The following SCAF8 variants were observed in gnomAD, a reference collection of about 807,000 sequenced individuals.
SCAF8 encodes SR-related CTD associated factor 8, also known as SR-related and CTD-associated factor 8.
SCAF8 carries 23 observed loss-of-function variants against 140.5 expected under a neutral mutation model. That is an observed-to-expected ratio of 0.16 (90% CI 0.12 to 0.23). The LOEUF (loss-of-function observed/expected upper bound fraction) is 0.23. Among genes scored for constraint, SCAF8 ranks in the 10% least tolerant of loss-of-function variants. The probability of loss-of-function intolerance (pLI) is 1.00; values close to 1 mark genes in which losing one functional copy is unlikely to be tolerated. For synonymous variants in SCAF8, 575 were observed against 528.9 expected, an observed-to-expected ratio of 1.09 and a Z score of -1.20; for missense variants, 1,397 against 1,555.7, an observed-to-expected ratio of 0.90 and a Z score of 1.72.
At chr6:154,748,895 G>A (rs1007781085) in intron 1 of SCAF8, among the ~76,000 whole-genome samples, 1 of 152,210 alleles carries the variant, frequency 6.6e-6, no homozygotes, top group Non-Finnish European at 1.5e-5. Flanking sequence ...TCTTAGAGCT[G>A]TAACAGTTTA....
intron 6 of SCAF8, among the ~76,000 whole-genome samples, chr6:154,801,753 TTTAAAGTTCG>T (rs375746481): frequency 2.6e-4 from 39 of 151,610 alleles, no homozygotes; most frequent in African/African-American, 9.1e-4. Flanking sequence ...CTTTATTTTG[TTTAAAGTTCG>T]CTGACTTTCC....
intron 18 of SCAF8, among the ~76,000 whole-genome samples, chr6:154,829,570 T>C (rs780808368): frequency 5.3e-5 from 8 of 152,216 alleles, no homozygotes; most frequent in Non-Finnish European, 1.0e-4. Context: ...TAATTCATTT[T>C]CCTTGTATTC....
intron 1 of SCAF8, among the ~76,000 whole-genome samples, chr6:154,740,952 A>G (rs748041003): frequency 1.3e-5 from 2 of 152,134 alleles, no homozygotes; most frequent in African/African-American, 4.8e-5. Context: ...AATGGATGCA[A>G]TCCTAGGTAG....
intron 14 of SCAF8, among the ~76,000 whole-genome samples, chr6:154,819,916 C>T (rs1383474798): frequency 1.3e-5 from 2 of 150,628 alleles, no homozygotes; most frequent in Admixed American, 6.6e-5. Context: ...GGCTTGAGCC[C>T]GGAAGGTCAA....
chr6:154,831,902 G>A, intron 19 of SCAF8, 37 bp from the exon 20 acceptor site: 1 of 1,537,166 alleles, frequency 6.5e-7, no homozygotes, highest in Non-Finnish European at 8.7e-7. Context: ...ACTTTTGACT[G>A]TTATTTTGAG....
intron 1 of SCAF8, among the ~76,000 whole-genome samples, chr6:154,745,509 G>A (rs1778676240): frequency 1.3e-5 from 2 of 152,156 alleles, no homozygotes; most frequent in African/African-American, 4.8e-5. Context: ...GAGTAGCTGG[G>A]ACTACAGGTG....
rs773988265 is a variant in SCAF8, at chr6:154,832,903, G to A, written c.3324G>A (p.Pro1108=). Residue 1108 remains proline, a synonymous_variant, in exon 20 of 20, where the codon CCG becomes CCA. Transcript: ENST00000367178. ...ATGAGAGAGAGCATCGGGTTCTACC[G>A]GTCTATGGTGGTCCAAAAGGCTTAC... ...DFDEREHRVL[P]VYGGPKGLHE... is the part of the protein sequence containing the mutation. The A allele has an allele frequency of 1.7e-5, 27 of 1,613,904 alleles. No individual in the cohort carries two copies. The highest frequency in any genetic ancestry group is 9.3e-5 in the African/African-American group (7 of 74,886).
chr6:154,767,142 C>CA (rs1039328491), intron 1 of SCAF8, among the ~76,000 whole-genome samples: 8 of 151,602 alleles, frequency 5.3e-5, no homozygotes, highest in East Asian at 1.9e-4. Flanking sequence ...GGAACCAGTC[C>CA]AAAAAAAAGC....
chr6:154,745,943 T>C (rs1778688938), intron 1 of SCAF8, among the ~76,000 whole-genome samples: 2 of 152,188 alleles, frequency 1.3e-5, no homozygotes, highest in South Asian at 4.1e-4. Flanking sequence ...TAGAGTGCAG[T>C]GGCTTGATCT....
Position 154,787,538 on chromosome 6 carries a change from GCTT to G in SCAF8, c.160-319_160-317del, listed in dbSNP as rs147755864. 6.5e-3 allele frequency among the ~76,000 whole-genome samples: 996 copies of G among 152,238 alleles called. 9 individuals carry two copies. Among genetic ancestry groups the G allele is most frequent in the Non-Finnish European group, 9.6e-3 (654 of 67,994 alleles). Reference sequence around the variant, plus strand: ...GCTAGAGCCCTTCTTTCCTGAATTTGCTTCTTTCTTCCATGTAGCTTTTCACAG... The same window carrying G: ...GCTAGAGCCCTTCTTTCCTGAATTTGCTTTCTTCCATGTAGCTTTTCACAG... On this transcript the variant is annotated intron_variant, in intron 3 of 19. Transcript: ENST00000367178.
At chr6:154,733,404 C>T (rs1778309298), upstream of SCAF8, 1 of 1,388,974 alleles carries the variant, frequency 7.2e-7, no homozygotes, top group Non-Finnish European at 9.3e-7. Flanking sequence ...CGCGGCCCGA[C>T]TCGAGTCCGC....
intron 9 of SCAF8, among the ~76,000 whole-genome samples, chr6:154,806,686 G>A (rs776581301): frequency 1.3e-5 from 2 of 152,140 alleles, no homozygotes; most frequent in Non-Finnish European, 2.9e-5. Flanking sequence ...AATGCAAACA[G>A]TAATATAAAA....
intron 5 of SCAF8, among the ~76,000 whole-genome samples, chr6:154,794,760 G>T (rs1378053759): frequency 9.4e-5 from 4 of 42,434 alleles, no homozygotes; most frequent in Non-Finnish European, 1.7e-4. Flanking sequence ...TCCTTTTGGT[G>T]GGGGGGGGGG....
At chr6:154,733,991 C>T in intron 1 of SCAF8, 61 bp downstream of exon 1, 1 of 1,460,112 alleles carries the variant, frequency 6.8e-7, no homozygotes, top group Non-Finnish European at 9.0e-7. Context: ...CTGGTCGAGG[C>T]CGGGGCCCGG....
rs193085801 is a variant in SCAF8, at chr6:154,785,948, G to A, written c.160-1913G>A. Among the ~76,000 whole-genome samples, 757 of 152,250 alleles carry A rather than the reference G, an allele frequency of 5.0e-3. 10 individuals carry two copies. Among genetic ancestry groups the A allele is most frequent in the African/African-American group, 0.017 (705 of 41,542 alleles). On this transcript the variant is annotated intron_variant, in intron 3 of 19. Coordinates refer to ENST00000367178, the MANE Select transcript of SCAF8 (RefSeq NM_014892.5). Reference sequence around the variant, plus strand: ...TATCTATAAAAACTTAATGTGATACGCTTTAGGAAATTATTTAGAGTAAAA... The same window carrying A: ...TATCTATAAAAACTTAATGTGATACACTTTAGGAAATTATTTAGAGTAAAA...
intron 9 of SCAF8, among the ~76,000 whole-genome samples, chr6:154,806,834 CT>C (rs1396469503): frequency 6.6e-6 from 1 of 152,052 alleles, no homozygotes; most frequent in Non-Finnish European, 1.5e-5. Flanking sequence ...GCAAATGTAT[CT>C]GCCTGAGAAC....
At position 154,788,026 on chromosome 6, in the gene SCAF8, T is replaced by C. The variant is rs748062234; in HGVS notation, c.321+4T>C. On this transcript the variant is annotated splice_donor_region_variant and intron_variant, in intron 4 of 19. Transcript: ENST00000367178. The stretch of plus-strand genomic sequence containing the variant: ...TCGTTGCCCTGGGGATGACAAGGTA[T>C]GCTACTGGTTTTTTTTTTTTGTTTT... The C allele has an allele frequency of 5.1e-6, 8 of 1,582,060 alleles. No individual in the cohort carries two copies. The African/African-American group carries it at 8.3e-5, about 16-fold the overall frequency.
At chr6:154,828,017 A>G (rs1256588269) in intron 18 of SCAF8, among the ~76,000 whole-genome samples, 2 of 152,132 alleles carry the variant, frequency 1.3e-5, no homozygotes, top group East Asian at 3.9e-4. Flanking sequence ...ATATTGACAA[A>G]TCATTATCAC....
chr6:154,831,401 T>G (rs1778729055), intron 19 of SCAF8, among the ~76,000 whole-genome samples: 2 of 151,996 alleles, frequency 1.3e-5, no homozygotes, highest in South Asian at 4.1e-4. Flanking sequence ...ACTACTTCAG[T>G]GTGTTGTCAA....
Sources: gnomAD v4.1 joint callset for allele counts (sites outside exome capture counted in the v4.1 genomes callset) on GRCh38, gnomAD v4.1.1 for gene constraint, MANE v1.5 for transcripts, NCBI Gene and HGNC (gene_info 2026-07-23, HGNC 2026-07-21) for gene names.